HAVCR2: variants seen among roughly 807,000 people sequenced by gnomAD.
HAVCR2 encodes hepatitis A virus cellular receptor 2.
Under a neutral mutation model 24.7 loss-of-function variants are expected in HAVCR2, and 13 were observed. That is an observed-to-expected ratio of 0.53 (90% confidence interval 0.34 to 0.84). The LOEUF is 0.84. Among genes scored for constraint, HAVCR2 ranks in the 40% least tolerant of loss-of-function variants. HAVCR2 has a pLI of 0.01. For synonymous variants in HAVCR2, 154 were observed against 143.4 expected (o/e 1.07, Z -0.53); for missense variants, 343 against 371.2 (o/e 0.92, Z 0.62).
chr5:157,094,896 T>C lies in HAVCR2; in HGVS notation c.676+410A>G, dbSNP rs886818265. ...CAGAAGGAAGTGTTTTTTGTTGTTG[T>C]GTTTCGTAACAAACCTAGACATATT... On this transcript the variant is annotated intron_variant, in intron 5 of 6. Transcript: ENST00000307851. Among the ~76,000 whole-genome samples the C allele has an allele frequency of 5.9e-5, 9 of 152,182 alleles. No homozygotes were observed. In the South Asian group the frequency reaches 1.7e-3, roughly 28 times the overall value.
Position 157,104,666 on chromosome 5 carries a change from C to A in HAVCR2, c.478G>T (p.Ala160Ser). Residue 160 changes from alanine to serine, a missense_variant and splice_region_variant, in exon 3 of 7, where the codon GCA becomes TCA. Transcript: ENST00000307851. ...CCTCCTCTGCCCCATGCATAGTTAC[C>A]TGGGCCATGTCCCCTGGTGGTAAGC... ...RMLTTRGHGP[A>S]ETQTLGSLPD... 1 of 1,596,208 alleles carries A rather than the reference C, an allele frequency of 6.3e-7. No individual in the cohort carries two copies. The highest frequency in any genetic ancestry group is 8.6e-7 in the Non-Finnish European group (1 of 1,168,628).
intron 4 of HAVCR2, among the ~76,000 whole-genome samples, chr5:157,096,229 CAAAAAAA>C (rs386405404): frequency 3.3e-5 from 3 of 90,722 alleles, no homozygotes; most frequent in African/African-American, 4.5e-5. Flanking sequence ...GACTCCATCT[CAAAAAAA>C]AAAAAAAAAA....
chr5:157,092,878 CAAAAAAAAAAAAAAAAAAAAAAA>C (rs556443053), intron 5 of HAVCR2, among the ~76,000 whole-genome samples: 46 of 44,046 alleles, frequency 1.0e-3, no homozygotes, highest in East Asian at 4.6e-3. Context: ...CTGTCTCTAC[CAAAAAAAAAAAAAAAAAAAAAAA>C]AAAAAAAAAA....
chr5:157,091,011 A>G (rs762704003), intron 5 of HAVCR2, among the ~76,000 whole-genome samples: 21 of 152,150 alleles, frequency 1.4e-4, no homozygotes, highest in Non-Finnish European at 2.1e-4. Flanking sequence ...ACCCAGCCCT[A>G]AGGAATCTCA....
chr5:157,091,134 G>A (rs547281496), intron 5 of HAVCR2, among the ~76,000 whole-genome samples: 7 of 152,160 alleles, frequency 4.6e-5, no homozygotes, highest in African/African-American at 1.4e-4. Context: ...CAATTTAAAA[G>A]GTTGACTATA....
At chr5:157,095,074 A>G (rs1023428598) in intron 5 of HAVCR2, among the ~76,000 whole-genome samples, 1 of 152,212 alleles carries the variant, frequency 6.6e-6, no homozygotes, top group African/African-American at 2.4e-5. Flanking sequence ...TCCTTATCTC[A>G]TAAGACAGTA....
Position 157,087,281 on chromosome 5 carries a change from C to A in HAVCR2, c.727G>T (p.Ala243Ser). 1 of 1,609,296 alleles carries A rather than the reference C, an allele frequency of 6.2e-7. No homozygotes were observed. The highest frequency in any genetic ancestry group is 8.5e-7 in the Non-Finnish European group (1 of 1,178,708). The change falls in exon 7 of 7, where the codon GCC becomes TCC. Residue 243 changes from alanine to serine, a missense_variant. Coordinates refer to ENST00000307851, the MANE Select transcript of HAVCR2 (RefSeq NM_032782.5). ...KIQNLSLISLANLPPSGLANA... is the reference protein window; with the variant it reads ...KIQNLSLISLSNLPPSGLANA... ...GCCAATCCTGAGGGAGGGAGGTTGG[C>A]CAAAGAGATGAGGCTGTGGAAATAA...
At chr5:157,089,236 A>G in intron 5 of HAVCR2, among the ~76,000 whole-genome samples, 1 of 152,228 alleles carries the variant, frequency 6.6e-6, no homozygotes, top group East Asian at 1.9e-4. Context: ...GGCACAAGGA[A>G]CACAGGAACA....
chr5:157,104,282 C>T (rs1757214081), intron 3 of HAVCR2, among the ~76,000 whole-genome samples: 1 of 152,184 alleles, frequency 6.6e-6, no homozygotes, highest in South Asian at 2.1e-4. Flanking sequence ...TCCTAGAAAT[C>T]ACCTAATCCA....
chr5:157,105,065 A>T (rs975314792), intron 2 of HAVCR2: 36 of 154,258 alleles, frequency 2.3e-4, no homozygotes, highest in African/African-American at 8.7e-4. Flanking sequence ...TAGATTTTGA[A>T]TTTTTTTTTT....
rs897516166 is a variant in HAVCR2 at position 157,088,880 on chromosome 5, A to G, written c.713+61T>C. 3.3e-5 allele frequency: 45 copies of G among 1,371,118 alleles called. No homozygotes were observed. In the Middle Eastern group the frequency reaches 5.3e-4, roughly 16 times the overall value. The allele number at this position is 1,371,118 out of a possible 1,614,324, so 84.9% of individuals were successfully genotyped here. On this transcript the variant is annotated intron_variant, in intron 6 of 6. Transcript: ENST00000307851. ...GGATTTCTCAGAGAAAAGATCAGACATGTTAGAGTAGGGACTTCCAAGATT... is the reference window on the plus strand; with the variant it reads ...GGATTTCTCAGAGAAAAGATCAGACGTGTTAGAGTAGGGACTTCCAAGATT...
chr5:157,087,641 C>G (rs1482162530), intron 6 of HAVCR2, among the ~76,000 whole-genome samples: 1 of 152,140 alleles, frequency 6.6e-6, no homozygotes, highest in Non-Finnish European at 1.5e-5. Flanking sequence ...CGCCGTGGCT[C>G]ACGCCTGTAA....
Position 157,108,911 on chromosome 5 carries a change from C to T in HAVCR2, c.58+15G>A, listed in dbSNP as rs1196689535. ...GCACCATTATGTCATTGTAAATATC[C>T]ATGCCGAGACTTACTTGTAAGTAGT... On this transcript the variant is annotated intron_variant, in intron 1 of 6. Transcript: ENST00000307851. The T allele has an allele frequency of 7.4e-6, 12 of 1,612,884 alleles. No homozygotes were observed. The highest frequency in any genetic ancestry group is 1.0e-5 in the Non-Finnish European group (12 of 1,178,922).
chr5:157,106,589 A>G (rs1297059107), intron 2 of HAVCR2, 38 bp downstream of exon 2: 3 of 1,513,102 alleles, frequency 2.0e-6, no homozygotes, highest in Non-Finnish European at 2.8e-6. Context: ...CCACAGATAA[A>G]TCTTATTCAT....
At chr5:157,091,349 G>C (rs1415974337) in intron 5 of HAVCR2, among the ~76,000 whole-genome samples, 1 of 152,174 alleles carries the variant, frequency 6.6e-6, no homozygotes. Flanking sequence ...GGAGGCTGAG[G>C]GGGGAGAATC....
intron 5 of HAVCR2, among the ~76,000 whole-genome samples, chr5:157,089,691 T>C (rs1446147608): frequency 6.6e-6 from 1 of 152,112 alleles, no homozygotes; most frequent in Non-Finnish European, 1.5e-5. Flanking sequence ...TTTAAGCTCG[T>C]TTCTGAAATG....
chr5:157,093,234 C>T (rs1276972515), intron 5 of HAVCR2, among the ~76,000 whole-genome samples: 1 of 151,782 alleles, frequency 6.6e-6, no homozygotes, highest in Non-Finnish European at 1.5e-5. Context: ...TCGCAGAAAC[C>T]ATAAAGATGA....
At chr5:157,102,725 A>G (rs1156583977) in intron 3 of HAVCR2, among the ~76,000 whole-genome samples, 2 of 151,406 alleles carry the variant, frequency 1.3e-5, no homozygotes, top group Non-Finnish European at 2.9e-5. Flanking sequence ...ACCTGAGGTT[A>G]GGAGTTCGAG....
chr5:157,090,518 C>G (rs984955210), intron 5 of HAVCR2, among the ~76,000 whole-genome samples: 1 of 152,010 alleles, frequency 6.6e-6, no homozygotes, highest in Non-Finnish European at 1.5e-5. Context: ...TGCTTGAACT[C>G]GGGAGGTAGA....
Sources: allele counts gnomAD v4.1 joint callset (sites outside exome capture counted in the v4.1 genomes callset), GRCh38; gene constraint gnomAD v4.1.1; transcripts MANE v1.5; gene names NCBI Gene and HGNC (gene_info 2026-07-23, HGNC 2026-07-21).